The following SLAIN1 variants were observed in gnomAD, a reference collection of about 807,000 sequenced individuals.
SLAIN1 encodes the protein SLAIN family member 1.
SLAIN1 carries 17 observed loss-of-function variants against 55.4 expected under a neutral mutation model. The observed-to-expected ratio is 0.31, with a 90% CI of 0.21 to 0.46. SLAIN1 has a LOEUF of 0.46. Ranked by LOEUF, SLAIN1 falls within the 20% of genes least tolerant of loss-of-function variation. The probability of loss-of-function intolerance (pLI) is 1.00; values close to 1 mark genes in which losing one functional copy is unlikely to be tolerated. For missense variants in SLAIN1, 682 were observed against 785.1 expected (o/e 0.87, Z 1.57); for synonymous variants, 348 against 337.4 (o/e 1.03, Z -0.35).
intron 2 of SLAIN1, among the ~76,000 whole-genome samples, chr13:77,723,448 T>C (rs1473799850): frequency 2.6e-5 from 4 of 152,186 alleles, no homozygotes; most frequent in African/African-American, 9.7e-5. Context: ...AAAAAGGATA[T>C]GTGGCAGGTA....
At chr13:77,715,702 A>C (rs915743406) in intron 1 of SLAIN1, among the ~76,000 whole-genome samples, 1 of 152,152 alleles carries the variant, frequency 6.6e-6, no homozygotes, top group Non-Finnish European at 1.5e-5. Context: ...ACATCTTTTC[A>C]TATAGCTGTT....
chr13:77,746,942 T>C lies in SLAIN1; in HGVS notation c.1258+87T>C, dbSNP rs1039347160. The C allele has an allele frequency of 1.1e-5, 13 of 1,227,554 alleles. No homozygotes were observed. The African/African-American group carries it at 1.8e-4, about 17-fold the overall frequency. 76.0% of individuals were successfully genotyped at this position (1,227,554 alleles called of 1,614,324 possible). On this transcript the variant is annotated intron_variant, in intron 4 of 6. Coordinates refer to ENST00000418532, the MANE Select transcript of SLAIN1 (RefSeq NM_001242868.2). ...TGGTTTTTGTGTTTTTGTTTTTGTT[T>C]TTGAGACAGAATCTGTCTCTGTCTC...
intron 2 of SLAIN1, among the ~76,000 whole-genome samples, chr13:77,726,384 A>G (rs2091308459): frequency 6.6e-6 from 1 of 152,198 alleles, no homozygotes; most frequent in Non-Finnish European, 1.5e-5. Flanking sequence ...ATATGTATCT[A>G]ATACCCCTAA....
Position 77,746,678 on chromosome 13 carries a change from C to T in SLAIN1, c.1081C>T (p.Leu361Phe). The T allele has an allele frequency of 6.2e-7, 1 of 1,613,820 alleles. No homozygotes were observed. Among genetic ancestry groups the T allele is most frequent in the Non-Finnish European group, 8.5e-7 (1 of 1,179,830 alleles). ...FDHLPPPQPR[L>F]PRCSPFQRGI... Reference sequence around the variant, plus strand: ...TCATTTGCCACCACCTCAGCCTCGTCTTCCAAGATGTTCCCCTTTCCAAAG... The same window carrying T: ...TCATTTGCCACCACCTCAGCCTCGTTTTCCAAGATGTTCCCCTTTCCAAAG... Residue 361 changes from leucine to phenylalanine, a missense_variant, in exon 4 of 7, where the codon CTT (leucine) becomes TTT (phenylalanine). By Grantham distance (22) the Leu-to-Phe change is conservative. Around this residue, in one of 3 missense-constraint regions of SLAIN1, gnomAD observed 244 missense variants for 295.2 expected, o/e 0.83. Coordinates refer to ENST00000418532, the MANE Select transcript of SLAIN1 (RefSeq NM_001242868.2).
chr13:77,753,739 T>C (rs895428117), intron 5 of SLAIN1, among the ~76,000 whole-genome samples: 2 of 152,204 alleles, frequency 1.3e-5, no homozygotes, highest in Non-Finnish European at 2.9e-5. Context: ...ATTGTTTTCC[T>C]TGCAGATCCT....
chr13:77,752,414 G>A (rs573242584), intron 4 of SLAIN1, among the ~76,000 whole-genome samples: 146 of 151,574 alleles, frequency 9.6e-4, no homozygotes, highest in Non-Finnish European at 1.1e-3. Flanking sequence ...AATAGGAACA[G>A]ATAGCTAACT....
At chr13:77,755,204 A>G (rs183277196) in intron 5 of SLAIN1, among the ~76,000 whole-genome samples, 2 of 152,172 alleles carry the variant, frequency 1.3e-5, no homozygotes, top group African/African-American at 4.8e-5. Context: ...CAGTAGTCCT[A>G]GCTACTTGGA....
intron 1 of SLAIN1, among the ~76,000 whole-genome samples, chr13:77,717,787 A>C (rs988073911): frequency 3.9e-5 from 6 of 152,172 alleles, no homozygotes; most frequent in Non-Finnish European, 1.5e-5. Flanking sequence ...CTGCTTAGAA[A>C]TCCAGATTCT....
intron 2 of SLAIN1, among the ~76,000 whole-genome samples, chr13:77,736,807 G>A (rs544616194): frequency 2.0e-5 from 3 of 148,252 alleles, no homozygotes; most frequent in African/African-American, 2.5e-5. Context: ...TTTTTTTTTG[G>A]TTGGGACTGG....
At chr13:77,736,964 C>G (rs1873151396) in intron 2 of SLAIN1, among the ~76,000 whole-genome samples, 1 of 152,014 alleles carries the variant, frequency 6.6e-6, no homozygotes, top group South Asian at 2.1e-4. Flanking sequence ...TTCAATCATG[C>G]TTCATCTAAC....
rs1450120804 is a variant in SLAIN1, at chr13:77,698,047, A to T, written c.134A>T (p.Gln45Leu). ...CGCAAGCTGGAGAAGCAGAACGAGC[A>T]GCTGCGGAGTCGAGCGGCCAGCGCG... ...LVRKLEKQNEQLRSRAASAAA... is the reference protein window; with the variant it reads ...LVRKLEKQNELLRSRAASAAA... Residue 45 changes from glutamine (Q) to leucine (L), a missense_variant, in exon 1 of 7, where the codon CAG becomes CTG. Gln to Leu is a moderately radical substitution (Grantham distance 113, BLOSUM62 -2). Coordinates refer to ENST00000418532, the MANE Select transcript of SLAIN1 (RefSeq NM_001242868.2). The surrounding 1 kb of genome is among the most constrained non-coding windows in gnomAD (Gnocchi z 4.1). 3 of 1,400,172 alleles carry T rather than the reference A, an allele frequency of 2.1e-6. No individual in the cohort carries two copies. The highest frequency in any genetic ancestry group is 7.1e-5 in the East Asian group (2 of 28,330). The allele number at this position is 1,400,172 out of a possible 1,614,324, so 86.7% of individuals were successfully genotyped here. A position where few individuals can be genotyped will look rare whatever the true frequency, so the allele number is the denominator to read the frequency against.
chr13:77,704,316 CTG>C (rs1329884002), intron 1 of SLAIN1, among the ~76,000 whole-genome samples: 1 of 128,946 alleles, frequency 7.8e-6, no homozygotes, highest in Non-Finnish European at 1.6e-5. Flanking sequence ...TACATAGAAA[CTG>C]TATATACAGA....
rs8002453 is a variant in SLAIN1, at chr13:77,757,950, G to A, written c.1415-2878G>A. 7.9e-3 allele frequency among the ~76,000 whole-genome samples: 1,209 copies of A among 152,180 alleles called. 20 individuals carry two copies. Among genetic ancestry groups the A allele is most frequent in the African/African-American group, 0.027 (1,128 of 41,512 alleles). On this transcript the variant is annotated intron_variant, in intron 5 of 6. Transcript: ENST00000418532. ...ATCTTTTCCTTTGGGTAGATACCCA[G>A]TAGTGGGATTGCTGGATCAAATGGT...
chr13:77,741,530 GTGT>G, intron 2 of SLAIN1: 1 of 669,468 alleles, frequency 1.5e-6, no homozygotes, highest in Non-Finnish European at 1.9e-6. Context: ...GATTCTGAAA[GTGT>G]TGTCATTGCG....
chr13:77,734,258 A>C (rs1361642418), intron 2 of SLAIN1, among the ~76,000 whole-genome samples: 1 of 152,098 alleles, frequency 6.6e-6, no homozygotes, highest in East Asian at 1.9e-4. Context: ...AGGGAGAATA[A>C]AAAATTCTTA....
chr13:77,698,765 T>A lies in SLAIN1; in HGVS notation c.626+226T>A, dbSNP rs2091000217. On this transcript the variant is annotated intron_variant, in intron 1 of 6. Transcript: ENST00000418532. The surrounding 1 kb of genome is among the most constrained non-coding windows in gnomAD (Gnocchi z 4.1). The stretch of plus-strand genomic sequence containing the variant: ...GTTTTCTAATCGCTCCGACTGCGGA[T>A]GAACCGGCCCCCCCTTCCCCCCATC... 8.6e-7 allele frequency: 1 copy of A among 1,169,128 alleles called. No homozygotes were observed. Among genetic ancestry groups the A allele is most frequent in the East Asian group, 2.6e-5 (1 of 37,992 alleles). 72.4% of individuals were successfully genotyped at this position (1,169,128 alleles called of 1,614,324 possible).
chr13:77,763,580 T>G lies in SLAIN1; in HGVS notation c.*360T>G, dbSNP rs565256880. On this transcript the variant is annotated 3_prime_UTR_variant, in exon 7 of 7. Transcript: ENST00000418532. The stretch of plus-strand genomic sequence containing the variant: ...TCAATTTACTCACGTGTTCTAAACA[T>G]CTTTCCATTACATGTTCTGTATTTT... 1 of 193,418 alleles carries G rather than the reference T, an allele frequency of 5.2e-6. No individual in the cohort carries two copies. Among genetic ancestry groups the G allele is most frequent in the African/African-American group, 2.3e-5 (1 of 42,820 alleles). The allele number at this position is 193,418 out of a possible 1,614,324, so 12.0% of individuals were successfully genotyped here.
intron 2 of SLAIN1, among the ~76,000 whole-genome samples, chr13:77,728,248 T>C (rs2091326133): frequency 6.6e-6 from 1 of 152,190 alleles, no homozygotes; most frequent in African/African-American, 2.4e-5. Context: ...ATATCCTAAA[T>C]TGAAATAAGG....
chr13:77,750,639 A>G (rs1252055173), intron 4 of SLAIN1, among the ~76,000 whole-genome samples: 1 of 152,130 alleles, frequency 6.6e-6, no homozygotes, highest in Non-Finnish European at 1.5e-5. Flanking sequence ...GGAATACGAG[A>G]CGTATGATTG....
Sources: gnomAD v4.1 joint callset for allele counts (sites outside exome capture counted in the v4.1 genomes callset) on GRCh38, gnomAD v4.1.1 for gene constraint, gnomAD v4.1.1 regional missense constraint, Gnocchi (gnomAD v3.1) non-coding constraint, MANE v1.5 for transcripts, NCBI Gene and HGNC (gene_info 2026-07-23, HGNC 2026-07-21) for gene names.